EPHA5: variants seen among roughly 807,000 people sequenced by gnomAD.
EPHA5 encodes EPH receptor A5.
In EPHA5, 60 loss-of-function variants were observed where a neutral mutation model predicts 105.0. The observed-to-expected ratio is 0.57, with a 90% CI of 0.46 to 0.71. The LOEUF (loss-of-function observed/expected upper bound fraction) is 0.71, where lower values mean the gene tolerates loss of function less well. Among genes scored for constraint, EPHA5 ranks in the 30% least tolerant of loss-of-function variants. The pLI is 0.00. For synonymous variants in EPHA5, 513 were observed against 449.1 expected (o/e 1.14, Z -1.80); for missense variants, 1,218 against 1,274.7 (o/e 0.96, Z 0.68).
intron 3 of EPHA5, among the ~76,000 whole-genome samples, chr4:65,560,609 C>A (rs2149356437): frequency 6.6e-6 from 1 of 152,124 alleles, no homozygotes; most frequent in East Asian, 1.9e-4. Context: ...AAGCCAATGC[C>A]ATTTCTTTTT....
chr4:65,463,263 G>A (rs1223455788), intron 5 of EPHA5, among the ~76,000 whole-genome samples: 1 of 152,000 alleles, frequency 6.6e-6, no homozygotes, highest in Non-Finnish European at 1.5e-5. Flanking sequence ...CTTTAATTGG[G>A]TATTTAATAG....
At position 65,625,829 on chromosome 4, in the gene EPHA5, C is replaced by T. The variant is rs142365445; in HGVS notation, c.246+17534G>A. The stretch of plus-strand genomic sequence containing the variant: ...TTTTAACATTTATTTAAAGAATGCG[C>T]GGCCGGGCGCGGTGACTCACGCTTG... On this transcript the variant is annotated intron_variant, in intron 2 of 16. Coordinates refer to ENST00000613740, the MANE Select transcript of EPHA5 (RefSeq NM_001281766.3). 2.6e-5 allele frequency among the ~76,000 whole-genome samples: 4 copies of T among 152,176 alleles called. 1 individual carries two copies. Among genetic ancestry groups the T allele is most frequent in the Admixed American group, 6.5e-5 (1 of 15,276 alleles).
In EPHA5 at chr4:65,651,843, G is replaced by A. The variant is rs151146844; in HGVS notation, c.182-8416C>T. ...AAAAAAGTGTAAACCCAGGGAGATG[G>A]CAGAAAAGAATTCAGAAACAGTATC... On this transcript the variant is annotated intron_variant, in intron 1 of 16. Transcript: ENST00000613740. 5.6e-3 allele frequency among the ~76,000 whole-genome samples: 856 copies of A among 152,144 alleles called. 2 individuals carry two copies. Among genetic ancestry groups the A allele is most frequent in the Middle Eastern group, 0.014 (4 of 294 alleles).
intron 3 of EPHA5, among the ~76,000 whole-genome samples, chr4:65,526,125 C>G (rs1422452476): frequency 6.6e-6 from 1 of 151,810 alleles, no homozygotes; most frequent in East Asian, 1.9e-4. Context: ...TTCAATGTTT[C>G]ATTTATCAAA....
In EPHA5 at chr4:65,385,939, G is replaced by A. The variant is rs937176155; in HGVS notation, c.1793+18435C>T. Among the ~76,000 whole-genome samples, 7 of 151,902 alleles carry A rather than the reference G, an allele frequency of 4.6e-5. No homozygotes were observed. The East Asian group carries it at 5.8e-4, about 13-fold the overall frequency. ...AGCCAACATAGACAAAATAATACCC[G>A]TGTAGCTGCTTATTTAGTACATGCT... On this transcript the variant is annotated intron_variant, in intron 8 of 16. Transcript: ENST00000613740.
At chr4:65,518,339 C>T (rs934959155) in intron 3 of EPHA5, among the ~76,000 whole-genome samples, 1 of 151,416 alleles carries the variant, frequency 6.6e-6, no homozygotes, top group Non-Finnish European at 1.5e-5. Flanking sequence ...AAATTAGAGC[C>T]CCCAAATCAC....
Position 65,321,244 on chromosome 4 carries a change from A to G in EPHA5, c.*2870T>C. 4.3e-6 allele frequency: 1 copy of G among 230,522 alleles called. No homozygotes were observed. The highest frequency in any genetic ancestry group is 8.6e-6 in the Non-Finnish European group (1 of 116,262). 14.3% of individuals were successfully genotyped at this position (230,522 alleles called of 1,614,324 possible). Reference sequence around the variant, plus strand: ...ATTATTTGCCAAATCTGTTGTATATACTAAAATTGTCATGTCTGTGCTTTA... The same window carrying G: ...ATTATTTGCCAAATCTGTTGTATATGCTAAAATTGTCATGTCTGTGCTTTA... On this transcript the variant is annotated 3_prime_UTR_variant, in exon 17 of 17. Transcript: ENST00000613740.
At chr4:65,397,767 G>T (rs2084683) in intron 8 of EPHA5, among the ~76,000 whole-genome samples, 10,643 of 152,136 alleles carry the variant, frequency 0.07, 584 homozygotes, top group African/African-American at 0.15. Flanking sequence ...TTTCTTACCA[G>T]GGACCCTTAG....
chr4:65,331,758 T>A (rs1377218811), intron 16 of EPHA5: 2 of 1,230,148 alleles, frequency 1.6e-6, no homozygotes, highest in African/African-American at 1.6e-5. Context: ...AGTATGCCAA[T>A]GTTATTTGTT....
chr4:65,457,214 T>C (rs1280360193), intron 5 of EPHA5, among the ~76,000 whole-genome samples: 1 of 152,156 alleles, frequency 6.6e-6, no homozygotes, highest in African/African-American at 2.4e-5. Context: ...TTTTTGTTAA[T>C]GGGATTTAGT....
chr4:65,339,197 T>C (rs1357259517), intron 14 of EPHA5, among the ~76,000 whole-genome samples: 1 of 152,162 alleles, frequency 6.6e-6, no homozygotes, highest in Non-Finnish European at 1.5e-5. Context: ...GGTGGCTCTC[T>C]GGGCTCCTTC....
chr4:65,391,770 T>C (rs1208229529), intron 8 of EPHA5, among the ~76,000 whole-genome samples: 3 of 152,146 alleles, frequency 2.0e-5, no homozygotes, highest in African/African-American at 7.2e-5. Flanking sequence ...TTTGAGCAAA[T>C]GGAGCTTTAG....
At chr4:65,543,489 T>C (rs1272780465) in intron 3 of EPHA5, among the ~76,000 whole-genome samples, 4 of 151,812 alleles carry the variant, frequency 2.6e-5, no homozygotes, top group African/African-American at 7.3e-5. Context: ...ATAAATAGAA[T>C]AAAATACTTA....
At chr4:65,529,982 A>G in intron 3 of EPHA5, among the ~76,000 whole-genome samples, 1 of 152,124 alleles carries the variant, frequency 6.6e-6, no homozygotes, top group East Asian at 1.9e-4. Flanking sequence ...GAAAGCAATG[A>G]CAATATCTAT....
intron 11 of EPHA5, among the ~76,000 whole-genome samples, chr4:65,363,629 A>T (rs1195033472): frequency 2.6e-5 from 4 of 151,554 alleles, no homozygotes; most frequent in Non-Finnish European, 5.9e-5. Context: ...GGTGATGGAG[A>T]CAGAAATTAT....
chr4:65,467,242 AAG>A (rs1443947306), intron 5 of EPHA5, among the ~76,000 whole-genome samples: 2 of 152,154 alleles, frequency 1.3e-5, no homozygotes, highest in African/African-American at 4.8e-5. Flanking sequence ...CAGAAAGCAA[AAG>A]AGAGTTTGTC....
intron 3 of EPHA5, among the ~76,000 whole-genome samples, chr4:65,592,756 A>T (rs1414062045): frequency 1.3e-5 from 2 of 152,182 alleles, no homozygotes; most frequent in Admixed American, 1.3e-4. Flanking sequence ...CAATCAACTA[A>T]GAAACATTTT....
At position 65,526,691 on chromosome 4, in the gene EPHA5, T is replaced by C. The variant is rs577966564; in HGVS notation, c.911-31148A>G. Among the ~76,000 whole-genome samples, 132 of 152,098 alleles carry C rather than the reference T, an allele frequency of 8.7e-4. 1 individual carries two copies. The highest frequency in any genetic ancestry group is 1.9e-3 in the Admixed American group (29 of 15,250). Reference sequence around the variant, plus strand: ...ATTAAGCCTGATCTCTGACATCAACTTAAGGTCACCAAAATGTCATGAGAG... The same window carrying C: ...ATTAAGCCTGATCTCTGACATCAACCTAAGGTCACCAAAATGTCATGAGAG... On this transcript the variant is annotated intron_variant, in intron 3 of 16. Transcript: ENST00000613740.
intron 8 of EPHA5, among the ~76,000 whole-genome samples, chr4:65,368,714 A>C (rs1718166612): frequency 6.6e-6 from 1 of 152,172 alleles, no homozygotes; most frequent in African/African-American, 2.4e-5. Flanking sequence ...CTACTGCAAA[A>C]TATTTAATGA....
Sources: gnomAD v4.1 joint callset for allele counts (sites outside exome capture counted in the v4.1 genomes callset) on GRCh38, gnomAD v4.1.1 for gene constraint, MANE v1.5 for transcripts, NCBI Gene and HGNC (gene_info 2026-07-23, HGNC 2026-07-21) for gene names.